Variants in DPF3 observed in about 807,000 individuals in gnomAD.
DPF3 encodes zinc finger protein DPF3.
Under a neutral mutation model 56.8 loss-of-function variants are expected in DPF3, and 18 were observed. The ratio of observed to expected loss-of-function variants is 0.32; its 90% CI spans 0.22 to 0.47. The LOEUF (loss-of-function observed/expected upper bound fraction) is 0.47. Among genes scored for constraint, DPF3 ranks in the 20% least tolerant of loss-of-function variants. The pLI, the probability that DPF3 is intolerant of heterozygous loss-of-function variation, is 1.00. For synonymous variants in DPF3, 188 were observed against 180.2 expected (o/e 1.04, Z -0.35); for missense variants, 403 against 488.8 (o/e 0.82, Z 1.65).
intron 1 of DPF3, among the ~76,000 whole-genome samples, chr14:72,867,733 G>GTTTGTTT (rs1196862838): frequency 2.0e-5 from 3 of 152,046 alleles, no homozygotes; most frequent in South Asian, 2.1e-4. Context: ...TCCACAATAA[G>GTTTGTTT]TTTGTTTTTT....
Position 72,680,574 on chromosome 14 carries a change from G to A in DPF3, c.743-6206C>T, listed in dbSNP as rs915106010. On this transcript the variant is annotated intron_variant, in intron 7 of 10. Coordinates refer to ENST00000556509, the MANE Select transcript of DPF3 (RefSeq NM_001280542.3). ...GAGGACACCGTGAATATATGGGAAA[G>A]TAAAGGGGACTACGCTGGAGCGGAT... Among the ~76,000 whole-genome samples, 3 of 152,406 alleles carry A rather than the reference G, an allele frequency of 2.0e-5. No homozygotes were observed. The East Asian group carries it at 5.8e-4, about 29-fold the overall frequency.
At chr14:72,718,771 A>ATTTTTTTT (rs766396428) in intron 5 of DPF3, among the ~76,000 whole-genome samples, 1,025 of 93,840 alleles carry the variant, frequency 0.011, 148 homozygotes, top group African/African-American at 0.023. Flanking sequence ...CACCCTTGCT[A>ATTTTTTTT]TTTTTTTTTT....
At chr14:72,860,690 C>T (rs553860303) in intron 1 of DPF3, among the ~76,000 whole-genome samples, 1 of 152,160 alleles carries the variant, frequency 6.6e-6, no homozygotes, top group Non-Finnish European at 1.5e-5. Flanking sequence ...CTCAGCCTCC[C>T]GAGTAGCTGA....
intron 6 of DPF3, among the ~76,000 whole-genome samples, chr14:72,695,962 A>G (rs754047664): frequency 6.6e-6 from 1 of 152,224 alleles, no homozygotes; most frequent in Non-Finnish European, 1.5e-5. Flanking sequence ...TATGCATCTT[A>G]ATTCCATGTG....
chr14:72,662,622 G>A (rs1034781347), intron 8 of DPF3: 2 of 985,178 alleles, frequency 2.0e-6, no homozygotes, highest in Admixed American at 6.2e-5. Context: ...CATTCCCAAG[G>A]CTTCTGTGGG....
At chr14:72,648,152 C>T (rs1233873334) in intron 8 of DPF3, among the ~76,000 whole-genome samples, 16 of 152,206 alleles carry the variant, frequency 1.1e-4, no homozygotes, top group Admixed American at 1.0e-3. Context: ...TCATTGTCCC[C>T]GTATTTCACT....
chr14:72,781,649 G>A (rs1375014932), intron 1 of DPF3, among the ~76,000 whole-genome samples: 1 of 145,698 alleles, frequency 6.9e-6, no homozygotes, highest in Non-Finnish European at 1.5e-5. Flanking sequence ...TCAAGGAGCT[G>A]CCAAGGACAA....
Position 72,869,851 on chromosome 14 carries a change from G to C in DPF3, c.32+24206C>G, listed in dbSNP as rs1008842170. On this transcript the variant is annotated intron_variant, in intron 1 of 10. Transcript: ENST00000556509. ...CTCCTATCTGGAGCCACAGAAACAG[G>C]CATACCCATGTTATCTTTGAGCTTG... Among the ~76,000 whole-genome samples the C allele has an allele frequency of 2.0e-5, 3 of 152,084 alleles. No homozygotes were observed. The East Asian group carries it at 5.8e-4, about 29-fold the overall frequency.
intron 1 of DPF3, among the ~76,000 whole-genome samples, chr14:72,890,448 G>C (rs1426164040): frequency 6.6e-6 from 1 of 151,612 alleles, no homozygotes; most frequent in Non-Finnish European, 1.5e-5. Context: ...CCAAGATCCT[G>C]CTGCTGCACT....
At chr14:72,717,516 T>G (rs1341981509) in intron 5 of DPF3, among the ~76,000 whole-genome samples, 4 of 152,246 alleles carry the variant, frequency 2.6e-5, no homozygotes, top group African/African-American at 4.8e-5. Context: ...AGGTGCCTGC[T>G]GTTTCTAATG....
chr14:72,892,480 A>C, intron 1 of DPF3: 2 of 1,425,834 alleles, frequency 1.4e-6, no homozygotes, highest in Non-Finnish European at 1.8e-6. Flanking sequence ...ATATAAATAT[A>C]TTTGAAACCT....
chr14:72,754,202 T>C (rs1391415353), intron 2 of DPF3, among the ~76,000 whole-genome samples: 1 of 152,088 alleles, frequency 6.6e-6, no homozygotes, highest in Non-Finnish European at 1.5e-5. Context: ...CCATGCCAGG[T>C]CACAGACTAT....
intron 7 of DPF3, among the ~76,000 whole-genome samples, chr14:72,680,232 C>T (rs1454050953): frequency 1.3e-5 from 2 of 152,220 alleles, no homozygotes; most frequent in African/African-American, 4.8e-5. Flanking sequence ...TATAAATTAT[C>T]CCCCAGGCCT....
intron 2 of DPF3, among the ~76,000 whole-genome samples, chr14:72,753,856 C>T (rs1043309488): frequency 6.6e-6 from 1 of 152,066 alleles, no homozygotes; most frequent in Non-Finnish European, 1.5e-5. Context: ...TACTCAAAGG[C>T]GTCTCCCACC....
chr14:72,807,624 G>A lies in DPF3; in HGVS notation c.33-35731C>T, dbSNP rs1424376918. On this transcript the variant is annotated intron_variant, in intron 1 of 10. Transcript: ENST00000556509. ...GGAGGCCAAGGCTAGAGGATGATAG[G>A]AGGATCTCTTGAGGCCAGTTTTTAA... is the stretch of plus-strand genomic sequence containing the variant. Among the ~76,000 whole-genome samples the A allele has an allele frequency of 2.6e-5, 4 of 152,206 alleles. No homozygotes were observed. In the South Asian group the frequency reaches 8.3e-4, roughly 31 times the overall value.
In DPF3 at chr14:72,618,548, C is replaced by G. The variant is rs1038612901; in HGVS notation, c.*749G>C. 1.3e-5 allele frequency among the ~76,000 whole-genome samples: 2 copies of G among 152,212 alleles called. No homozygotes were observed. Among genetic ancestry groups the G allele is most frequent in the African/African-American group, 4.8e-5 (2 of 41,460 alleles). On this transcript the variant is annotated 3_prime_UTR_variant, in exon 11 of 11. Coordinates refer to ENST00000556509, the MANE Select transcript of DPF3 (RefSeq NM_001280542.3). The stretch of plus-strand genomic sequence containing the variant: ...GTCAAGGAACCAGCCTGGCCTCTTG[C>G]AAAGTCTCTCCCGATGGATAACAAG...
rs180696480 is a variant in DPF3, at chr14:72,877,374, C to T, written c.32+16683G>A. On this transcript the variant is annotated intron_variant, in intron 1 of 10. Transcript: ENST00000556509. ...GTTCCTCTGGGCAGCAAAGGAGGCA[C>T]ACACCCAGGACAATGTTGGGCAATA... Among the ~76,000 whole-genome samples, 205 of 152,180 alleles carry T rather than the reference C, an allele frequency of 1.3e-3. 1 individual carries two copies. The highest frequency in any genetic ancestry group is 3.4e-3 in the Middle Eastern group (1 of 294).
intron 1 of DPF3, chr14:72,892,111 G>GT: frequency 1.3e-6 from 2 of 1,511,200 alleles, no homozygotes; most frequent in Middle Eastern, 3.6e-4. Flanking sequence ...GGGCTCCCGG[G>GT]TAACTAGGGT....
rs200602274 is a variant in DPF3, at chr14:72,714,445, G to A, written c.582C>T (p.His194=). The A allele has an allele frequency of 6.1e-5, 99 of 1,613,892 alleles. No individual in the cohort carries two copies. Among genetic ancestry groups the A allele is most frequent in the Non-Finnish European group, 7.3e-5 (86 of 1,179,810 alleles). The change falls in exon 6 of 11, where the codon CAC becomes CAT. Residue 194 remains histidine (H), a synonymous_variant. Coordinates refer to ENST00000556509, the MANE Select transcript of DPF3 (RefSeq NM_001280542.3). The stretch of plus-strand genomic sequence containing the variant: ...TACTGTCACAGACGTAAGGTTTGTC[G>A]TGGTCTTCCTGAGAGGCGGCGTCGT... The part of the protein sequence containing the change: ...RRHDAASQED[H]DKPYVCDICG...
Sources: allele counts gnomAD v4.1 joint callset (sites outside exome capture counted in the v4.1 genomes callset), GRCh38; gene constraint gnomAD v4.1.1; transcripts MANE v1.5; gene names NCBI Gene and HGNC (gene_info 2026-07-23, HGNC 2026-07-21).